Variants in FAT2 observed in about 807,000 individuals in gnomAD.
FAT2 encodes the protein FAT atypical cadherin 2.
A neutral mutation model predicts 295.3 loss-of-function variants in FAT2; 150 were observed. That is an observed-to-expected ratio of 0.51 (90% confidence interval 0.44 to 0.58). The LOEUF (loss-of-function observed/expected upper bound fraction) is 0.58. Ranked by LOEUF, FAT2 falls within the 20% of genes least tolerant of loss-of-function variation. The probability of loss-of-function intolerance (pLI) is 0.00; values close to 1 mark genes in which losing one functional copy is unlikely to be tolerated. For missense variants in FAT2, 4,868 were observed against 5,442.7 expected (o/e 0.89, Z 3.32); for synonymous variants, 2,026 against 2,150.3 (o/e 0.94, Z 1.60).
intron 9 of FAT2, among the ~76,000 whole-genome samples, chr5:151,547,257 T>A (rs893933594): frequency 6.6e-6 from 1 of 152,218 alleles, no homozygotes; most frequent in African/African-American, 2.4e-5. Flanking sequence ...TGAGCTATCC[T>A]CTTTCTTTGG....
intron 19 of FAT2, among the ~76,000 whole-genome samples, 153 bp downstream of exon 19, chr5:151,521,123 G>A (rs1753407908): frequency 6.6e-6 from 1 of 152,226 alleles, no homozygotes; most frequent in Non-Finnish European, 1.5e-5. Context: ...GATTTTGTGA[G>A]GCCACTAGCC....
At chr5:151,508,658 C>T (rs1481461545) in intron 22 of FAT2, among the ~76,000 whole-genome samples, 4 of 150,844 alleles carry the variant, frequency 2.7e-5, no homozygotes, top group Non-Finnish European at 5.9e-5. Flanking sequence ...TGCAGTGAGC[C>T]GAGATTGTGC....
Position 151,565,657 on chromosome 5 carries a change from AC to A in FAT2, c.3259+15del. On this transcript the variant is annotated intron_variant, in intron 2 of 23. Transcript: ENST00000261800. ...ACCTCTGGCCCTGGCACCCCACCCT[AC>A]CCCACCCCCAGTACCTGTATCTTGG... 1 of 1,038,298 alleles carries A rather than the reference AC, an allele frequency of 9.6e-7. No individual in the cohort carries two copies. Among genetic ancestry groups the A allele is most frequent in the Non-Finnish European group, 1.3e-6 (1 of 741,730 alleles). The allele number at this position is 1,038,298 out of a possible 1,614,324, so 64.3% of individuals were successfully genotyped here.
chr5:151,511,950 C>A, intron 21 of FAT2: 2 of 578,218 alleles, frequency 3.5e-6, no homozygotes, highest in South Asian at 4.3e-5. Context: ...CTCATCCCCC[C>A]AGAAGTAGAA....
chr5:151,545,777 G>A lies in FAT2; in HGVS notation c.5350C>T (p.Pro1784Ser), dbSNP rs1228299579. ...CTGTCAGAGGCATGAATCACAAAGG[G>A]GTTGTTGTTTTTATCCATGATCATG... is the stretch of plus-strand genomic sequence containing the variant. The part of the protein sequence containing the change: ...YSMIMDKNNN[P>S]FVIHASDSDK... The change falls in exon 10 of 24, where the codon CCC (proline) becomes TCC (serine). Residue 1784 changes from proline (P) to serine (S), a missense_variant. Physicochemically the swap from Pro to Ser is moderately conservative, Grantham distance 74 (BLOSUM62 -1). This residue lies in a region of FAT2 where 3,297 missense variants were observed against 3,669.4 expected (regional missense o/e 0.90). Coordinates refer to ENST00000261800, the MANE Select transcript of FAT2 (RefSeq NM_001447.3). The A allele has an allele frequency of 1.9e-6, 3 of 1,614,020 alleles. No homozygotes were observed. The highest frequency in any genetic ancestry group is 4.5e-5 in the East Asian group (2 of 44,884).
chr5:151,566,645 A>G lies in FAT2; in HGVS notation c.2287T>C (p.Phe763Leu). 1 of 1,614,206 alleles carries G rather than the reference A, an allele frequency of 6.2e-7. No homozygotes were observed. Among genetic ancestry groups the G allele is most frequent in the Non-Finnish European group, 8.5e-7 (1 of 1,180,048 alleles). The stretch of plus-strand genomic sequence containing the variant: ...AGCCCTGTCTCCAGCTCTATGTCAA[A>G]GCAGCCCTCCTCATTGCCATCTGCA... ...VIADGNEEGC[F>L]DIELETGLLT... Residue 763 changes from phenylalanine to leucine, a missense_variant, in exon 2 of 24, where the codon TTT (phenylalanine) becomes CTT (leucine). Transcript: ENST00000261800.
In FAT2 at chr5:151,531,876, C is replaced by T. The variant is rs1198884393; in HGVS notation, c.9522G>A (p.Pro3174=). Reference sequence around the variant, plus strand: ...GTGGTGCCTGGGGCCTGACCTGCAGCGGCTTTTCCAGGCGGATCACCCCCG... The same window carrying T: ...GTGGTGCCTGGGGCCTGACCTGCAGTGGCTTTTCCAGGCGGATCACCCCCG... ...ATTGVIRLEK[P]LQVRPQAPLE... Residue 3174 remains proline (P), a synonymous_variant, in exon 14 of 24, where the codon CCG becomes CCA. Transcript: ENST00000261800. This position sits in a 1 kb window ranked among gnomAD's most constrained non-coding sequence, Gnocchi z 5.7. The T allele has an allele frequency of 9.3e-6, 15 of 1,614,106 alleles. No homozygotes were observed. The highest frequency in any genetic ancestry group is 2.7e-5 in the African/African-American group (2 of 75,058).
intron 18 of FAT2, among the ~76,000 whole-genome samples, chr5:151,523,633 G>A (rs10057239): frequency 6.6e-6 from 1 of 152,154 alleles, no homozygotes; most frequent in Non-Finnish European, 1.5e-5. Context: ...TAGGCAGGAC[G>A]TGTGCCTGGG....
chr5:151,528,382 A>G (rs1490464723), intron 15 of FAT2, among the ~76,000 whole-genome samples: 4 of 152,186 alleles, frequency 2.6e-5, no homozygotes, highest in Non-Finnish European at 5.9e-5. Flanking sequence ...GAATGTGAGG[A>G]ATGTGCTAAA....
rs770153207 is a variant in FAT2 at position 151,521,544 on chromosome 5, G to A, written c.11049C>T (p.Leu3683=). The A allele has an allele frequency of 6.2e-7, 1 of 1,614,204 alleles. No individual in the cohort carries two copies. The highest frequency in any genetic ancestry group is 1.1e-5 in the South Asian group (1 of 91,074). ...TTCCAGAATGCCCCTCAAAGACCAG[G>A]AGCACATCCACACCAGCCACGGCCT... The part of the protein sequence containing the change: ...PAEAVAGVDV[L]LVFEGHSGTF... The change falls in exon 19 of 24, where the codon CTC becomes CTT. Residue 3683 remains leucine, a synonymous_variant. Transcript: ENST00000261800.
At chr5:151,587,720 A>C (rs1759232902) in intron 1 of FAT2, among the ~76,000 whole-genome samples, 1 of 152,202 alleles carries the variant, frequency 6.6e-6, no homozygotes, top group South Asian at 2.1e-4. Flanking sequence ...GGCCTGACAC[A>C]TTATAACTGC....
intron 6 of FAT2, 94 bp downstream of exon 6, chr5:151,553,083 T>G: frequency 7.6e-6 from 10 of 1,308,192 alleles, no homozygotes; most frequent in Non-Finnish European, 7.7e-6. Context: ...AGCCCGACCT[T>G]GAGAAGAGTC....
intron 1 of FAT2, among the ~76,000 whole-genome samples, chr5:151,581,152 G>A (rs1472728680): frequency 6.6e-6 from 1 of 152,188 alleles, no homozygotes; most frequent in Non-Finnish European, 1.5e-5. Context: ...TGCTGGTTGT[G>A]TGTGATTTTG....
intron 1 of FAT2, among the ~76,000 whole-genome samples, chr5:151,586,583 C>T (rs919011036): frequency 2.0e-5 from 3 of 152,210 alleles, no homozygotes; most frequent in African/African-American, 7.2e-5. Flanking sequence ...TCTAATCTGA[C>T]TCCTTTCCTT....
chr5:151,544,030 A>G lies in FAT2; in HGVS notation c.7097T>C (p.Val2366Ala). 6.2e-7 allele frequency: 1 copy of G among 1,614,132 alleles called. No individual in the cohort carries two copies. Among genetic ancestry groups the G allele is most frequent in the Non-Finnish European group, 8.5e-7 (1 of 1,180,026 alleles). Residue 2366 changes from valine (V) to alanine (A), a missense_variant, in exon 10 of 24, where the codon GTT becomes GCT. Val to Ala is a moderately conservative substitution (Grantham distance 64). This residue lies in a region of FAT2 where 3,297 missense variants were observed against 3,669.4 expected (regional missense o/e 0.90). Coordinates refer to ENST00000261800, the MANE Select transcript of FAT2 (RefSeq NM_001447.3). Reference protein sequence around the residue: ...DPPLTGETLVVVNVSDINDNP... With the variant: ...DPPLTGETLVAVNVSDINDNP... ...GTCATTGATATCAGACACATTGACA[A>G]CCACAAGGGTTTCACCAGTGAGTGG... is the stretch of plus-strand genomic sequence containing the variant.
At position 151,568,253 on chromosome 5, in the gene FAT2, T is replaced by C. The variant is rs756008663; in HGVS notation, c.679A>G (p.Met227Val). 1 of 1,614,164 alleles carries C rather than the reference T, an allele frequency of 6.2e-7. No homozygotes were observed. The change falls in exon 2 of 24, where the codon ATG becomes GTG. Residue 227 changes from methionine to valine, a missense_variant. Transcript: ENST00000261800. ...CCATTGCCCTCAGAGATTTTCCGCA[T>C]GCGGTCCACAGCTAGCACCTGGAGC... ...HELQVLAVDR[M>V]RKISEGNGFG...
chr5:151,519,578 C>T (rs1753229787), intron 19 of FAT2, among the ~76,000 whole-genome samples: 1 of 152,184 alleles, frequency 6.6e-6, no homozygotes, highest in Non-Finnish European at 1.5e-5. Context: ...AAAATCTTAC[C>T]ATCATGGGTG....
chr5:151,557,841 C>G (rs1757832992), intron 3 of FAT2, among the ~76,000 whole-genome samples: 1 of 152,122 alleles, frequency 6.6e-6, no homozygotes, highest in Admixed American at 6.5e-5. Context: ...CATTCAGGGT[C>G]TTTGGGATTG....
Position 151,527,294 on chromosome 5 carries a change from C to G in FAT2, c.10248G>C (p.Val3416=), listed in dbSNP as rs770543075. Residue 3416 remains valine (V), a synonymous_variant, in exon 17 of 24, where the codon GTG becomes GTC. Coordinates refer to ENST00000261800, the MANE Select transcript of FAT2 (RefSeq NM_001447.3). ...LHEDTDIAIQ[V]ADVNDNPPRF... ...TCGGTGGGTTATCATTGACATCAGCCACTTGGATAGCGATGTCTGTGTCCT... is the reference window on the plus strand; with the variant it reads ...TCGGTGGGTTATCATTGACATCAGCGACTTGGATAGCGATGTCTGTGTCCT... 1.9e-6 allele frequency: 3 copies of G among 1,609,580 alleles called. No individual in the cohort carries two copies. Among genetic ancestry groups the G allele is most frequent in the Non-Finnish European group, 2.5e-6 (3 of 1,177,674 alleles).
Sources: gnomAD v4.1 joint callset for allele counts (sites outside exome capture counted in the v4.1 genomes callset) on GRCh38, gnomAD v4.1.1 for gene constraint, gnomAD v4.1.1 regional missense constraint, Gnocchi (gnomAD v3.1) non-coding constraint, MANE v1.5 for transcripts, NCBI Gene and HGNC (gene_info 2026-07-23, HGNC 2026-07-21) for gene names.